The following MACROD2 variants were observed in gnomAD, a reference collection of about 807,000 sequenced individuals.
The protein encoded by MACROD2 is mono-ADP ribosylhydrolase 2, also known as ADP-ribose glycohydrolase MACROD2.
In MACROD2, 36 loss-of-function variants were observed where a neutral mutation model predicts 70.4. The observed-to-expected ratio is 0.51, with a 90% CI of 0.39 to 0.68. The LOEUF is 0.68. Ranked by LOEUF, MACROD2 falls within the 30% of genes least tolerant of loss-of-function variation. The pLI is 0.00. For missense variants in MACROD2, 496 were observed against 538.4 expected, an observed-to-expected ratio of 0.92 and a Z score of 0.78; for synonymous variants, 172 against 178.8, an observed-to-expected ratio of 0.96 and a Z score of 0.30.
At chr20:15,357,367 G>T (rs903672220) in intron 6 of MACROD2, among the ~76,000 whole-genome samples, 2 of 151,978 alleles carry the variant, frequency 1.3e-5, no homozygotes, top group Non-Finnish European at 2.9e-5. Flanking sequence ...ATAACCAAGA[G>T]AACAAGAATA....
intron 3 of MACROD2, among the ~76,000 whole-genome samples, chr20:14,275,850 T>A (rs2082249502): frequency 6.6e-6 from 1 of 152,128 alleles, no homozygotes; most frequent in South Asian, 2.1e-4. Context: ...AAGAAGACAT[T>A]TATGCAGCCA....
chr20:14,250,038 C>CA (rs1042956294), intron 3 of MACROD2, among the ~76,000 whole-genome samples: 11 of 151,752 alleles, frequency 7.2e-5, no homozygotes, highest in African/African-American at 2.7e-4. Context: ...AATAACTTTA[C>CA]AAAATATTGA....
At chr20:15,020,319 G>C (rs1014527732) in intron 5 of MACROD2, among the ~76,000 whole-genome samples, 1 of 152,144 alleles carries the variant, frequency 6.6e-6, no homozygotes, top group Non-Finnish European at 1.5e-5. Flanking sequence ...TAAATGGCTT[G>C]AGACAATAGG....
At chr20:14,230,020 CAT>C (rs971794767) in intron 3 of MACROD2, among the ~76,000 whole-genome samples, 1 of 152,156 alleles carries the variant, frequency 6.6e-6, no homozygotes, top group Non-Finnish European at 1.5e-5. Context: ...TATCTAAAAA[CAT>C]GTACATACCT....
chr20:15,162,141 G>A lies in MACROD2; in HGVS notation c.419-67799G>A, dbSNP rs969483594. Reference sequence around the variant, plus strand: ...AACTACCTAGAAGCTGAGTAATAACGGACATTTGAATGACTTGCTGCGCTT... The same window carrying A: ...AACTACCTAGAAGCTGAGTAATAACAGACATTTGAATGACTTGCTGCGCTT... On this transcript the variant is annotated intron_variant, in intron 5 of 17. Transcript: ENST00000684519. 5.3e-5 allele frequency among the ~76,000 whole-genome samples: 8 copies of A among 151,982 alleles called. No homozygotes were observed. The East Asian group carries it at 5.8e-4, about 11-fold the overall frequency.
chr20:15,202,820 C>A (rs2076668153), intron 5 of MACROD2, among the ~76,000 whole-genome samples: 1 of 151,946 alleles, frequency 6.6e-6, no homozygotes, highest in East Asian at 1.9e-4. Flanking sequence ...TCAGTGTAGA[C>A]AGAAAGAAAA....
chr20:14,014,332 T>A (rs1416306698), intron 2 of MACROD2, among the ~76,000 whole-genome samples: 1 of 152,006 alleles, frequency 6.6e-6, no homozygotes, highest in Non-Finnish European at 1.5e-5. Context: ...GAAATTGTAT[T>A]TCATAATGTT....
chr20:14,240,466 C>T (rs931055370), intron 3 of MACROD2, among the ~76,000 whole-genome samples: 1 of 152,114 alleles, frequency 6.6e-6, no homozygotes, highest in African/African-American at 2.4e-5. Flanking sequence ...AGACTGGATA[C>T]AGAAAACATG....
chr20:16,033,795 C>A (rs1333565819), intron 15 of MACROD2, among the ~76,000 whole-genome samples: 1 of 151,268 alleles, frequency 6.6e-6, no homozygotes, highest in Non-Finnish European at 1.5e-5. Flanking sequence ...AATAGTGACA[C>A]CTCTGAGAAA....
chr20:15,256,210 G>A (rs1331587637), intron 6 of MACROD2, among the ~76,000 whole-genome samples: 1 of 151,952 alleles, frequency 6.6e-6, no homozygotes, highest in Non-Finnish European at 1.5e-5. Context: ...TTTATATTGA[G>A]TTTTTTGCAG....
chr20:15,477,742 A>G (rs1322178850), intron 7 of MACROD2, among the ~76,000 whole-genome samples: 1 of 152,222 alleles, frequency 6.6e-6, no homozygotes, highest in Non-Finnish European at 1.5e-5. Flanking sequence ...CTTGCATGGC[A>G]AAAGAGACTT....
At chr20:14,516,451 T>G (rs1252106361) in intron 4 of MACROD2, among the ~76,000 whole-genome samples, 1 of 152,194 alleles carries the variant, frequency 6.6e-6, no homozygotes, top group Non-Finnish European at 1.5e-5. Flanking sequence ...CGTTTAAGTC[T>G]TTAATCCATC....
intron 7 of MACROD2, among the ~76,000 whole-genome samples, chr20:15,460,066 GTT>G (rs1451127488): frequency 6.6e-6 from 1 of 152,090 alleles, no homozygotes; most frequent in African/African-American, 2.4e-5. Flanking sequence ...CTAGAGTGAT[GTT>G]TTGGGTAACT....
chr20:14,559,190 G>A (rs2123285670), intron 4 of MACROD2, among the ~76,000 whole-genome samples: 1 of 151,796 alleles, frequency 6.6e-6, no homozygotes, highest in South Asian at 2.1e-4. Flanking sequence ...TTTATCAAGT[G>A]AAGATATAAT....
intron 3 of MACROD2, among the ~76,000 whole-genome samples, chr20:14,346,694 G>A (rs1377840921): frequency 1.3e-5 from 2 of 152,160 alleles, no homozygotes; most frequent in African/African-American, 4.8e-5. Context: ...TAAGTAATCT[G>A]TTGCTTTGAG....
At chr20:14,090,736 T>C (rs2148672368) in intron 3 of MACROD2, among the ~76,000 whole-genome samples, 1 of 152,340 alleles carries the variant, frequency 6.6e-6, no homozygotes, top group East Asian at 1.9e-4. Flanking sequence ...GCAGTACCGA[T>C]ATCCCTTTGA....
At chr20:15,421,637 G>A (rs2046230066) in intron 6 of MACROD2, among the ~76,000 whole-genome samples, 1 of 152,116 alleles carries the variant, frequency 6.6e-6, no homozygotes, top group African/African-American at 2.4e-5. Context: ...TTGTATAGAA[G>A]AAAAATATGG....
intron 3 of MACROD2, among the ~76,000 whole-genome samples, chr20:14,226,874 A>T (rs1219023126): frequency 1.3e-5 from 2 of 152,168 alleles, no homozygotes; most frequent in Non-Finnish European, 2.9e-5. Flanking sequence ...TCGACCACCC[A>T]AGGGCTGAGG....
rs919119729 is a variant in MACROD2 at position 14,070,304 on chromosome 20, T to C, written c.164-15317T>C. 2.4e-5 allele frequency among the ~76,000 whole-genome samples: 3 copies of C among 123,480 alleles called. No homozygotes were observed. The Admixed American group carries it at 2.8e-4, about 12-fold the overall frequency. 81.0% of individuals were successfully genotyped at this position (123,480 alleles called of 152,430 possible). On this transcript the variant is annotated intron_variant, in intron 2 of 17. Transcript: ENST00000684519. The stretch of plus-strand genomic sequence containing the variant: ...CTATATATTTGAGAATAAATGGATA[T>C]GCTGGAGTATAGAGGGGTTTGTGTG...
Sources: gnomAD v4.1 joint callset for allele counts (sites outside exome capture counted in the v4.1 genomes callset) on GRCh38, gnomAD v4.1.1 for gene constraint, MANE v1.5 for transcripts, NCBI Gene and HGNC (gene_info 2026-07-23, HGNC 2026-07-21) for gene names.